The following CACNA1G variants were observed in gnomAD, a reference collection of about 807,000 sequenced individuals.
CACNA1G encodes voltage-dependent T-type calcium channel subunit alpha-1G.
CACNA1G carries 67 observed loss-of-function variants against 219.4 expected under a neutral mutation model. The observed-to-expected ratio is 0.31, with a 90% confidence interval of 0.25 to 0.37. The LOEUF is 0.37. Among genes scored for constraint, CACNA1G ranks in the 10% least tolerant of loss-of-function variants. The pLI is 1.00. For missense variants in CACNA1G, 2,380 were observed against 3,231.4 expected, an observed-to-expected ratio of 0.74 and a Z score of 6.39; for synonymous variants, 1,296 against 1,345.3, an observed-to-expected ratio of 0.96 and a Z score of 0.80.
At position 50,600,016 on chromosome 17, in the gene CACNA1G, T is replaced by C. The variant is rs1002394750; in HGVS notation, c.3690+157T>C. Among the ~76,000 whole-genome samples, 4 of 152,222 alleles carry C rather than the reference T, an allele frequency of 2.6e-5. No homozygotes were observed. The highest frequency in any genetic ancestry group is 4.8e-5 in the African/African-American group (2 of 41,456). ...CTCCAAACAATCCCTTTTCTCCCTCTGCCCGCCTTGCCAAGCCCCAGATCC... is the reference window on the plus strand; with the variant it reads ...CTCCAAACAATCCCTTTTCTCCCTCCGCCCGCCTTGCCAAGCCCCAGATCC... On this transcript the variant is annotated intron_variant, in intron 17 of 37. Transcript: ENST00000359106. This position sits in a 1 kb window ranked among gnomAD's most constrained non-coding sequence, Gnocchi z 4.1.
At position 50,611,252 on chromosome 17, in the gene CACNA1G, TAAAAAAAA is replaced by T. The variant is rs11291581; in HGVS notation, c.4759+1329_4759+1336del. The stretch of plus-strand genomic sequence containing the variant: ...CTGGGTGACAGAGCGAGACTCCATT[TAAAAAAAA>T]AAAAAAAAAAAGAGAGAGAGAGAGT... On this transcript the variant is annotated intron_variant, in intron 26 of 37. Coordinates refer to ENST00000359106, the MANE Select transcript of CACNA1G (RefSeq NM_018896.5). 5.8e-3 allele frequency among the ~76,000 whole-genome samples: 757 copies of T among 129,688 alleles called. 1 individual carries two copies. The highest frequency in any genetic ancestry group is 0.011 in the Admixed American group (137 of 12,872). 85.1% of individuals were successfully genotyped at this position (129,688 alleles called of 152,430 possible).
chr17:50,612,426 T>C (rs775286497), intron 26 of CACNA1G, among the ~76,000 whole-genome samples: 13 of 152,256 alleles, frequency 8.5e-5, no homozygotes, highest in Non-Finnish European at 1.6e-4. Context: ...GTCATCAGGC[T>C]GCCCCACGGG....
At chr17:50,572,155 T>A in intron 5 of CACNA1G, 118 bp downstream of exon 5, 1 of 1,199,048 alleles carries the variant, frequency 8.3e-7, no homozygotes, top group Non-Finnish European at 1.1e-6. Flanking sequence ...GAGACATATC[T>A]GGTTCTCAAA....
chr17:50,577,779 T>C (rs902275851), intron 8 of CACNA1G, among the ~76,000 whole-genome samples: 1 of 152,112 alleles, frequency 6.6e-6, no homozygotes, highest in African/African-American at 2.4e-5. Context: ...TGTGGGTGTG[T>C]GTGCAAGTGC....
intron 9 of CACNA1G, among the ~76,000 whole-genome samples, chr17:50,581,813 C>T (rs919101884): frequency 1.3e-5 from 2 of 152,264 alleles, no homozygotes; most frequent in Non-Finnish European, 2.9e-5. Context: ...CCCATCCGCT[C>T]AGGGCGGTAC....
At chr17:50,589,912 C>CTGTGTGTGTGTGTGTGTGTGTG (rs58484176) in intron 9 of CACNA1G, among the ~76,000 whole-genome samples, 3 of 141,836 alleles carry the variant, frequency 2.1e-5, no homozygotes, top group African/African-American at 8.5e-5. Flanking sequence ...CTCTCTCTCT[C>CTGTGTGTGTGTGTGTGTGTGTG]TGTGTGTGTG....
At position 50,617,036 on chromosome 17, in the gene CACNA1G, A is replaced by G. The variant is rs1266986952; in HGVS notation, c.5022-402A>G. Among the ~76,000 whole-genome samples, 2 of 151,976 alleles carry G rather than the reference A, an allele frequency of 1.3e-5. No individual in the cohort carries two copies. Among genetic ancestry groups the G allele is most frequent in the East Asian group, 1.9e-4 (1 of 5,188 alleles). ...TTTTTTATTTTTATTTTTAGTAGAT[A>G]CAGGGTCTCACTATGTTGCCCAGGC... On this transcript the variant is annotated intron_variant, in intron 28 of 37. Coordinates refer to ENST00000359106, the MANE Select transcript of CACNA1G (RefSeq NM_018896.5). The surrounding 1 kb of genome is among the most constrained non-coding windows in gnomAD (Gnocchi z 5.8).
intron 1 of CACNA1G, among the ~76,000 whole-genome samples, chr17:50,565,632 C>A (rs761894462): frequency 6.6e-6 from 1 of 152,120 alleles, no homozygotes; most frequent in Non-Finnish European, 1.5e-5. Context: ...GGAATGGGGC[C>A]GCTGGAGGGC....
intron 26 of CACNA1G, among the ~76,000 whole-genome samples, chr17:50,613,799 CAAGG>C: frequency 6.6e-6 from 1 of 152,312 alleles, no homozygotes; most frequent in African/African-American, 2.4e-5. Context: ...TTGTGGTACT[CAAGG>C]AAGGAAGGAA....
chr17:50,624,965 T>TTC (rs1555573592), intron 37 of CACNA1G, among the ~76,000 whole-genome samples: 2 of 150,432 alleles, frequency 1.3e-5, no homozygotes, highest in Non-Finnish European at 3.0e-5. Context: ...CTTTTTTTTT[T>TTC]TTTTTTTTTT....
Position 50,624,342 on chromosome 17 carries a change from G to GAC in CACNA1G, c.6230-18_6230-17insAC. On this transcript the variant is annotated splice_polypyrimidine_tract_variant and intron_variant, in intron 36 of 37. Coordinates refer to ENST00000359106, the MANE Select transcript of CACNA1G (RefSeq NM_018896.5). The stretch of plus-strand genomic sequence containing the variant: ...CATTCTCTCCCCCCACCCCTCCCCC[G>GAC]CTTCCCTCCCTCCACAGGCTCCGTC... 2.9e-6 allele frequency: 2 copies of GAC among 693,014 alleles called. No individual in the cohort carries two copies. Among genetic ancestry groups the GAC allele is most frequent in the Non-Finnish European group, 4.1e-6 (2 of 491,440 alleles). The allele number at this position is 693,014 out of a possible 1,614,324, so 42.9% of individuals were successfully genotyped here. A position where few individuals can be genotyped will look rare whatever the true frequency, so the allele number is the denominator to read the frequency against.
chr17:50,587,896 G>A (rs1354680294), intron 9 of CACNA1G, among the ~76,000 whole-genome samples: 1 of 152,094 alleles, frequency 6.6e-6, no homozygotes, highest in Non-Finnish European at 1.5e-5. Context: ...GTGTCCACAA[G>A]CCATCAGTAC....
intron 1 of CACNA1G, 32 bp from the exon 2 acceptor site, chr17:50,568,838 C>G: frequency 6.3e-7 from 1 of 1,583,104 alleles, no homozygotes. Flanking sequence ...TCAGCTCCAG[C>G]CTTGGCCAGC....
intron 9 of CACNA1G, among the ~76,000 whole-genome samples, chr17:50,588,472 G>A (rs1598333261): frequency 1.7e-5 from 2 of 118,652 alleles, no homozygotes; most frequent in African/African-American, 3.3e-5. Flanking sequence ...CTGGCAGACC[G>A]GACTTGGAAG....
chr17:50,596,994 G>C lies in CACNA1G; in HGVS notation c.3258+71G>C, dbSNP rs747050342. 1.5e-6 allele frequency: 2 copies of C among 1,377,228 alleles called. No homozygotes were observed. Among genetic ancestry groups the C allele is most frequent in the African/African-American group, 2.9e-5 (2 of 69,044 alleles). 85.3% of individuals were successfully genotyped at this position (1,377,228 alleles called of 1,614,324 possible). A position where few individuals can be genotyped will look rare whatever the true frequency, so the allele number is the denominator to read the frequency against. On this transcript the variant is annotated intron_variant, in intron 16 of 37. Coordinates refer to ENST00000359106, the MANE Select transcript of CACNA1G (RefSeq NM_018896.5). This position sits in a 1 kb window ranked among gnomAD's most constrained non-coding sequence, Gnocchi z 4.8. The stretch of plus-strand genomic sequence containing the variant: ...GAGGACAGGAGGAAGAGAGGATGGA[G>C]GCAGGCGGGTCCAAGGGCACAGCCC...
At chr17:50,567,873 G>T (rs578221742) in intron 1 of CACNA1G, among the ~76,000 whole-genome samples, 2 of 152,218 alleles carry the variant, frequency 1.3e-5, no homozygotes, top group Non-Finnish European at 2.9e-5. Flanking sequence ...AAGACCCAGG[G>T]TTTAGAAAGA....
intron 9 of CACNA1G, among the ~76,000 whole-genome samples, chr17:50,583,745 ACT>A (rs1408186951): frequency 6.6e-5 from 10 of 152,038 alleles, no homozygotes. Flanking sequence ...ACAGGGTGGC[ACT>A]CGATGCTCTG....
Position 50,591,509 on chromosome 17 carries a change from A to G in CACNA1G, c.2528A>G (p.Lys843Arg). The G allele has an allele frequency of 6.2e-7, 1 of 1,610,326 alleles. No individual in the cohort carries two copies. Among genetic ancestry groups the G allele is most frequent in the African/African-American group, 1.3e-5 (1 of 74,974 alleles). The change falls in exon 11 of 38, where the codon AAG becomes AGG. Residue 843 changes from lysine to arginine, a missense_variant. By Grantham distance (26) the Lys-to-Arg change is conservative (BLOSUM62 2). Transcript: ENST00000359106. ...ACCTTCCGCCTGATGCGTGTGCTGA[A>G]GCTGGTGCGCTTCCTGCCGGCGCTG... Reference protein sequence around the residue: ...LRTFRLMRVLKLVRFLPALQR... With the variant: ...LRTFRLMRVLRLVRFLPALQR...
chr17:50,568,824 G>T, intron 1 of CACNA1G, 46 bp from the exon 2 acceptor site: 1 of 1,514,892 alleles, frequency 6.6e-7, no homozygotes, highest in Non-Finnish European at 9.2e-7. Context: ...TCGGGGGGCC[G>T]GCCTCAGCTC....
Sources: gnomAD v4.1 joint callset for allele counts (sites outside exome capture counted in the v4.1 genomes callset) on GRCh38, gnomAD v4.1.1 for gene constraint, Gnocchi (gnomAD v3.1) non-coding constraint, MANE v1.5 for transcripts, NCBI Gene and HGNC (gene_info 2026-07-23, HGNC 2026-07-21) for gene names.